The following NELL1 variants were observed in gnomAD, a reference collection of about 807,000 sequenced individuals.
NELL1 encodes the protein neural EGFL like 1.
In NELL1, 76 loss-of-function variants were observed where a neutral mutation model predicts 107.4. The ratio of observed to expected loss-of-function variants is 0.71; its 90% CI spans 0.59 to 0.86. The LOEUF (loss-of-function observed/expected upper bound fraction) is 0.86. NELL1 is among the 40% of genes least tolerant of loss of function. The pLI is 0.00. For missense variants in NELL1, 1,024 were observed against 1,005.5 expected (o/e 1.02, Z -0.25); for synonymous variants, 353 against 341.2 (o/e 1.03, Z -0.38).
intron 14 of NELL1, among the ~76,000 whole-genome samples, chr11:21,246,745 T>C (rs557508208): frequency 6.6e-6 from 1 of 152,288 alleles, no homozygotes; most frequent in East Asian, 1.9e-4. Flanking sequence ...GACTGGGTAA[T>C]TTATAAAGAA....
At chr11:20,815,222 AC>A (rs1266021243) in intron 3 of NELL1, among the ~76,000 whole-genome samples, 1 of 151,752 alleles carries the variant, frequency 6.6e-6, no homozygotes, top group African/African-American at 2.4e-5. Context: ...CTGCCACCAC[AC>A]CTGGCTAATT....
chr11:21,276,854 G>C (rs1848876192), intron 14 of NELL1, among the ~76,000 whole-genome samples: 1 of 152,166 alleles, frequency 6.6e-6, no homozygotes. Flanking sequence ...TACGTAGAAA[G>C]CTGAAACTGG....
chr11:20,738,611 C>T lies in NELL1; in HGVS notation c.185-45069C>T, dbSNP rs116740724. Among the ~76,000 whole-genome samples the T allele has an allele frequency of 2.2e-3, 338 of 152,206 alleles. 2 individuals carry two copies. The highest frequency in any genetic ancestry group is 0.016 in the South Asian group (75 of 4,810). ...TTTCTGATGGAATTGAATAATAGCC[C>T]AGGTTCTGGACTTGGACCTGGATTC... On this transcript the variant is annotated intron_variant, in intron 2 of 19. Transcript: ENST00000357134.
rs555220705 is a variant in NELL1 at position 21,495,942 on chromosome 11, G to A, written c.1646-38432G>A. On this transcript the variant is annotated intron_variant, in intron 15 of 19. Coordinates refer to ENST00000357134, the MANE Select transcript of NELL1 (RefSeq NM_006157.5). ...CATATATGAGCTGCTCTGTGACTTT[G>A]TTGTCTATTATCTGTACCAAGTGGG... is the stretch of plus-strand genomic sequence containing the variant. Among the ~76,000 whole-genome samples the A allele has an allele frequency of 3.3e-5, 5 of 151,990 alleles. No homozygotes were observed. The South Asian group carries it at 8.3e-4, about 25-fold the overall frequency.
At chr11:21,044,433 G>A (rs1853308418) in intron 12 of NELL1, among the ~76,000 whole-genome samples, 1 of 152,182 alleles carries the variant, frequency 6.6e-6, no homozygotes, top group Non-Finnish European at 1.5e-5. Context: ...ACGCATTTGA[G>A]AAGTTTGGCG....
chr11:20,733,994 G>C (rs1855705584), intron 2 of NELL1, among the ~76,000 whole-genome samples: 1 of 151,284 alleles, frequency 6.6e-6, no homozygotes, highest in South Asian at 2.1e-4. Context: ...ACAGGTGATA[G>C]GGATGTTTTT....
chr11:21,302,093 C>A lies in NELL1; in HGVS notation c.1550-68760C>A, dbSNP rs114024863. 7.4e-3 allele frequency among the ~76,000 whole-genome samples: 1,128 copies of A among 152,156 alleles called. 20 individuals carry two copies. Among genetic ancestry groups the A allele is most frequent in the African/African-American group, 0.026 (1,074 of 41,522 alleles). ...TAGTTATCTACTGCTACATATAAAA[C>A]CAACCCAAAGTGTTGTGGCTTTAAA... On this transcript the variant is annotated intron_variant, in intron 14 of 19. Transcript: ENST00000357134.
intron 14 of NELL1, among the ~76,000 whole-genome samples, chr11:21,268,701 G>A (rs1162320958): frequency 6.6e-6 from 1 of 152,128 alleles, no homozygotes; most frequent in Non-Finnish European, 1.5e-5. Context: ...CAAAAGGTCT[G>A]TTTATTACAG....
chr11:21,372,984 A>C (rs1286821740), intron 15 of NELL1, among the ~76,000 whole-genome samples: 1 of 152,086 alleles, frequency 6.6e-6, no homozygotes, highest in African/African-American at 2.4e-5. Flanking sequence ...CCAGGGAAAA[A>C]GTTAGACAGA....
At chr11:21,138,036 C>G (rs1748548071) in intron 13 of NELL1, among the ~76,000 whole-genome samples, 1 of 152,226 alleles carries the variant, frequency 6.6e-6, no homozygotes, top group South Asian at 2.1e-4. Flanking sequence ...ATTCTCAGCA[C>G]TTTGTTTGGC....
intron 13 of NELL1, among the ~76,000 whole-genome samples, chr11:21,178,712 C>T (rs1008215829): frequency 4.0e-5 from 6 of 150,240 alleles, no homozygotes; most frequent in Non-Finnish European, 8.9e-5. Flanking sequence ...TGCAGTGAGC[C>T]GAGACCACAC....
In NELL1 at chr11:20,944,118, A is replaced by G. The variant is rs935864189; in HGVS notation, c.1072-3218A>G. 4.6e-5 allele frequency among the ~76,000 whole-genome samples: 7 copies of G among 152,308 alleles called. No homozygotes were observed. The South Asian group carries it at 1.5e-3, about 32-fold the overall frequency. On this transcript the variant is annotated intron_variant, in intron 10 of 19. Transcript: ENST00000357134. ...TTAAACTTCCTCTTAGGCATCTAAA[A>G]TGGTATTATGAAGTATTATCCTTGG...
At chr11:20,944,309 G>C (rs184182771) in intron 10 of NELL1, among the ~76,000 whole-genome samples, 1 of 151,952 alleles carries the variant, frequency 6.6e-6, no homozygotes, top group South Asian at 2.1e-4. Context: ...TTTTCACCAA[G>C]TGTTTCCAGG....
intron 15 of NELL1, among the ~76,000 whole-genome samples, chr11:21,481,362 C>A (rs572447915): frequency 6.6e-6 from 1 of 152,208 alleles, no homozygotes; most frequent in East Asian, 1.9e-4. Context: ...TCCATGAGGT[C>A]ATTCCTCTGA....
intron 12 of NELL1, among the ~76,000 whole-genome samples, chr11:20,977,058 C>T (rs558054994): frequency 1.3e-5 from 2 of 151,592 alleles, no homozygotes; most frequent in South Asian, 2.1e-4. Flanking sequence ...CCATTAAGCC[C>T]GTGTATAGCT....
chr11:21,022,701 C>T (rs938455747), intron 12 of NELL1, among the ~76,000 whole-genome samples: 3 of 152,100 alleles, frequency 2.0e-5, no homozygotes, highest in African/African-American at 7.2e-5. Context: ...CTGAGTTCAT[C>T]ATTTACTTTT....
intron 3 of NELL1, among the ~76,000 whole-genome samples, chr11:20,832,769 A>G (rs535845853): frequency 2.0e-5 from 3 of 152,304 alleles, no homozygotes; most frequent in East Asian, 3.9e-4. Flanking sequence ...GCTAGTTATG[A>G]TAAGTACTTT....
chr11:21,376,511 G>T (rs995216880), intron 15 of NELL1, among the ~76,000 whole-genome samples: 2 of 151,996 alleles, frequency 1.3e-5, no homozygotes, highest in Non-Finnish European at 2.9e-5. Context: ...CTTATGCTTA[G>T]CATTGCTTTG....
intron 12 of NELL1, among the ~76,000 whole-genome samples, chr11:21,026,502 C>A (rs1852817105): frequency 6.6e-6 from 1 of 152,106 alleles, no homozygotes; most frequent in South Asian, 2.1e-4. Context: ...CCCCTTCTCT[C>A]TTATATAGTC....
Sources: allele counts gnomAD v4.1 joint callset (sites outside exome capture counted in the v4.1 genomes callset), GRCh38; gene constraint gnomAD v4.1.1; transcripts MANE v1.5; gene names NCBI Gene and HGNC (gene_info 2026-07-23, HGNC 2026-07-21).